COL11A1: variants seen among roughly 807,000 people sequenced by gnomAD.
COL11A1 encodes the protein collagen alpha-1(XI) chain.
Under a neutral mutation model 265.2 loss-of-function variants are expected in COL11A1, and 74 were observed. The ratio of observed to expected loss-of-function variants is 0.28; its 90% confidence interval spans 0.23 to 0.34. The LOEUF (loss-of-function observed/expected upper bound fraction) is 0.34, where lower values mean the gene tolerates loss of function less well. Ranked by LOEUF, COL11A1 falls within the 10% of genes least tolerant of loss-of-function variation. COL11A1 has a pLI of 1.00. For missense variants in COL11A1, 2,165 were observed against 2,263.6 expected (o/e 0.96, Z 0.88); for synonymous variants, 816 against 727.6 (o/e 1.12, Z -1.96).
intron 28 of COL11A1, among the ~76,000 whole-genome samples, chr1:102,991,834 A>T (rs1664169201): frequency 7.0e-6 from 1 of 142,270 alleles, no homozygotes; most frequent in African/African-American, 2.6e-5. Flanking sequence ...CATGCCAGGA[A>T]TTTTTTTTTT....
At chr1:102,924,195 T>C (rs2101093173) in intron 46 of COL11A1, among the ~76,000 whole-genome samples, 1 of 152,296 alleles carries the variant, frequency 6.6e-6, no homozygotes, top group Non-Finnish European at 1.5e-5. Flanking sequence ...CACTCCAACC[T>C]GGGTGACAGA....
chr1:102,954,819 G>A (rs140785617), intron 41 of COL11A1, among the ~76,000 whole-genome samples: 146 of 149,460 alleles, frequency 9.8e-4, no homozygotes, highest in Non-Finnish European at 1.8e-3. Context: ...ATTCCAGACT[G>A]GGCGACAAGA....
chr1:102,999,678 C>T (rs1361712395), intron 24 of COL11A1, among the ~76,000 whole-genome samples: 4 of 151,574 alleles, frequency 2.6e-5, no homozygotes, highest in African/African-American at 9.7e-5. Flanking sequence ...TAAGTTAGTA[C>T]AAAAAATTGC....
At chr1:103,064,864 G>A (rs1048660255) in intron 4 of COL11A1, among the ~76,000 whole-genome samples, 1 of 151,808 alleles carries the variant, frequency 6.6e-6, no homozygotes, top group Admixed American at 6.6e-5. Context: ...AACTTCCAGG[G>A]GTTAATCAGG....
At chr1:103,043,016 AAT>A (rs72153685) in intron 4 of COL11A1, among the ~76,000 whole-genome samples, 23,750 of 143,098 alleles carry the variant, frequency 0.17, 2,259 homozygotes, top group Middle Eastern at 0.19. Flanking sequence ...ATATATATGA[AAT>A]ATATATGATA....
At chr1:102,921,482 C>G in intron 48 of COL11A1, 36 bp downstream of exon 48, 1 of 1,540,508 alleles carries the variant, frequency 6.5e-7, no homozygotes, top group Non-Finnish European at 9.0e-7. Flanking sequence ...ACCTATATAA[C>G]TTCAAAATAA....
At chr1:102,957,765 A>G (rs1389994694) in intron 41 of COL11A1, among the ~76,000 whole-genome samples, 2 of 152,020 alleles carry the variant, frequency 1.3e-5, no homozygotes, top group Non-Finnish European at 2.9e-5. Context: ...GCTATCATGG[A>G]TATTTGCCCA....
At chr1:103,078,552 C>T (rs1246647552) in intron 3 of COL11A1, 106 bp downstream of exon 3, 1 of 1,033,834 alleles carries the variant, frequency 9.7e-7, no homozygotes, top group South Asian at 1.4e-5. Flanking sequence ...TTATTTATCA[C>T]CAGCCTCTAG....
Position 102,898,968 on chromosome 1 carries a change from C to T in COL11A1, c.4113G>A (p.Glu1371=). Residue 1371 remains glutamate (E), a synonymous_variant, in exon 55 of 67, where the codon GAG becomes GAA. Transcript: ENST00000370096. The part of the protein sequence containing the change: ...KRGPPGAAGA[E]GRQGEKGAKG... ...TAGCACCTTTTTCACCTTGTCTTCC[C>T]TCTGCACCTGCAGCTCCAGGAGGAC... The T allele has an allele frequency of 6.5e-7, 1 of 1,545,502 alleles. No homozygotes were observed. The highest frequency in any genetic ancestry group is 8.8e-7 in the Non-Finnish European group (1 of 1,137,908).
intron 44 of COL11A1, among the ~76,000 whole-genome samples, chr1:102,937,531 C>T (rs553637500): frequency 6.6e-6 from 1 of 152,158 alleles, no homozygotes; most frequent in Non-Finnish European, 1.5e-5. Flanking sequence ...TAAGGTGGAT[C>T]CATCAGGAAT....
intron 41 of COL11A1, among the ~76,000 whole-genome samples, chr1:102,960,924 G>T (rs1025223403): frequency 6.6e-6 from 1 of 152,068 alleles, no homozygotes; most frequent in Admixed American, 6.6e-5. Flanking sequence ...AAGGGGATAA[G>T]AAAATGAATC....
chr1:102,978,957 A>G, intron 33 of COL11A1, 44 bp from the exon 34 acceptor site: 2 of 1,612,678 alleles, frequency 1.2e-6, no homozygotes, highest in Non-Finnish European at 1.7e-6. Flanking sequence ...ATGCCAGACA[A>G]ATCCAAAGAC....
chr1:103,051,169 CT>C (rs1669790345), intron 4 of COL11A1, among the ~76,000 whole-genome samples: 1 of 152,208 alleles, frequency 6.6e-6, no homozygotes. Flanking sequence ...TTACTGCTGT[CT>C]TTTTGTTTGT....
chr1:102,971,070 A>C (rs1208977208), intron 36 of COL11A1, among the ~76,000 whole-genome samples: 1 of 152,142 alleles, frequency 6.6e-6, no homozygotes, highest in Non-Finnish European at 1.5e-5. Context: ...CTCATAAAAA[A>C]TGGCATTTTA....
At chr1:103,092,506 T>C (rs1440578399) in intron 1 of COL11A1, among the ~76,000 whole-genome samples, 2 of 152,112 alleles carry the variant, frequency 1.3e-5, no homozygotes, top group African/African-American at 4.8e-5. Flanking sequence ...CATGGCACCA[T>C]TCATAGTGGA....
chr1:102,937,931 A>G (rs894740133), intron 44 of COL11A1, among the ~76,000 whole-genome samples: 2 of 152,234 alleles, frequency 1.3e-5, no homozygotes, highest in Admixed American at 1.3e-4. Context: ...GGTTTTCTGT[A>G]CACAATTTCT....
rs372950724 is a variant in COL11A1 at position 102,956,251 on chromosome 1, C to T, written c.3168+5615G>A. 7.9e-5 allele frequency among the ~76,000 whole-genome samples: 12 copies of T among 152,122 alleles called. No homozygotes were observed. The South Asian group carries it at 2.5e-3, about 32-fold the overall frequency. ...ACAGCTTCAATTCAAACATAATTTC[C>T]TTAGGCAAAAAACATTGTTCTCACC... On this transcript the variant is annotated intron_variant, in intron 41 of 66. Coordinates refer to ENST00000370096, the MANE Select transcript of COL11A1 (RefSeq NM_001854.4).
chr1:103,067,356 A>G (rs2102238201), intron 4 of COL11A1, among the ~76,000 whole-genome samples: 1 of 152,026 alleles, frequency 6.6e-6, no homozygotes. Context: ...AAGCTCAAGT[A>G]TCTAGATATT....
chr1:103,089,512 T>C (rs1320071451), intron 1 of COL11A1, among the ~76,000 whole-genome samples: 1 of 152,176 alleles, frequency 6.6e-6, no homozygotes, highest in Non-Finnish European at 1.5e-5. Context: ...CAGCTAATAT[T>C]TTTCTCTCTC....
Sources: gnomAD v4.1 joint callset for allele counts (sites outside exome capture counted in the v4.1 genomes callset) on GRCh38, gnomAD v4.1.1 for gene constraint, MANE v1.5 for transcripts, NCBI Gene and HGNC (gene_info 2026-07-23, HGNC 2026-07-21) for gene names.